Variants in GRM7 observed in about 807,000 individuals in gnomAD.
GRM7 encodes glutamate metabotropic receptor 7.
Under a neutral mutation model 84.5 loss-of-function variants are expected in GRM7, and 35 were observed. That is an observed-to-expected ratio of 0.41 (90% CI 0.32 to 0.55). The LOEUF (loss-of-function observed/expected upper bound fraction) is 0.55. GRM7 is among the 20% of genes least tolerant of loss of function. The probability of loss-of-function intolerance (pLI) is 0.19; values close to 1 mark genes in which losing one functional copy is unlikely to be tolerated. For synonymous variants in GRM7, 487 were observed against 455.1 expected, an observed-to-expected ratio of 1.07 and a Z score of -0.89; for missense variants, 1,003 against 1,194.6, an observed-to-expected ratio of 0.84 and a Z score of 2.36.
intron 7 of GRM7, among the ~76,000 whole-genome samples, chr3:7,485,627 C>G (rs917070705): frequency 3.3e-5 from 5 of 152,188 alleles, no homozygotes; most frequent in East Asian, 1.9e-4. Flanking sequence ...AACATCAAAT[C>G]CTCCCAAAAT....
chr3:6,913,795 T>C (rs1328371054), intron 1 of GRM7, among the ~76,000 whole-genome samples: 3 of 152,192 alleles, frequency 2.0e-5, no homozygotes, highest in African/African-American at 7.2e-5. Context: ...TCTGATCAGC[T>C]TGATGCAATA....
chr3:7,365,368 A>G (rs1693832435), intron 4 of GRM7, among the ~76,000 whole-genome samples: 1 of 151,622 alleles, frequency 6.6e-6, no homozygotes, highest in South Asian at 2.1e-4. Flanking sequence ...GGAAGTCCTC[A>G]CAGTCTCTCC....
At chr3:6,961,273 G>A (rs564867552) in intron 1 of GRM7, among the ~76,000 whole-genome samples, 8 of 152,238 alleles carry the variant, frequency 5.3e-5, no homozygotes, top group African/African-American at 1.9e-4. Flanking sequence ...CTGACAATTT[G>A]CAGGCCCCTT....
intron 9 of GRM7, among the ~76,000 whole-genome samples, chr3:7,721,884 A>G (rs1303822232): frequency 6.6e-6 from 1 of 152,246 alleles, no homozygotes; most frequent in Non-Finnish European, 1.5e-5. Flanking sequence ...CTTGAATCAT[A>G]CAACCTCTCA....
chr3:7,075,610 C>A (rs1698044215), intron 1 of GRM7, among the ~76,000 whole-genome samples: 2 of 151,650 alleles, frequency 1.3e-5, no homozygotes, highest in South Asian at 4.2e-4. Context: ...ACTGCAGCCT[C>A]CGGCTCCTGG....
intron 1 of GRM7, among the ~76,000 whole-genome samples, chr3:6,919,424 T>A (rs1280047226): frequency 1.3e-5 from 2 of 149,674 alleles, no homozygotes; most frequent in Non-Finnish European, 3.0e-5. Context: ...GCCAGGCTGG[T>A]CTCAAACTCC....
At chr3:7,574,060 T>C (rs1233356331) in intron 7 of GRM7, among the ~76,000 whole-genome samples, 1 of 152,170 alleles carries the variant, frequency 6.6e-6, no homozygotes, top group Non-Finnish European at 1.5e-5. Flanking sequence ...CCTTCAAAGA[T>C]GTAAATTCTT....
At chr3:7,153,583 T>A (rs997271739) in intron 2 of GRM7, among the ~76,000 whole-genome samples, 6 of 152,114 alleles carry the variant, frequency 3.9e-5, no homozygotes, top group Admixed American at 3.3e-4. Context: ...GAGGTTGTAG[T>A]GGGTACAGTA....
chr3:7,246,111 A>T (rs1433691581), intron 2 of GRM7, among the ~76,000 whole-genome samples: 1 of 152,104 alleles, frequency 6.6e-6, no homozygotes, highest in Non-Finnish European at 1.5e-5. Context: ...TTGACATGAG[A>T]AGCTGAACTT....
At chr3:7,684,083 CATGTATATAGG>C (rs1700484420) in intron 9 of GRM7, among the ~76,000 whole-genome samples, 1 of 152,072 alleles carries the variant, frequency 6.6e-6, no homozygotes, top group Non-Finnish European at 1.5e-5. Flanking sequence ...TGCAAAAATG[CATGTATATAGG>C]AAAAGAACGA....
chr3:7,257,581 G>A (rs888888391), intron 2 of GRM7, among the ~76,000 whole-genome samples: 3 of 152,100 alleles, frequency 2.0e-5, no homozygotes, highest in African/African-American at 7.2e-5. Context: ...TGAATACAAA[G>A]TCTTCAAATC....
At chr3:7,484,818 C>A (rs1398711638) in intron 7 of GRM7, among the ~76,000 whole-genome samples, 1 of 152,094 alleles carries the variant, frequency 6.6e-6, no homozygotes, top group African/African-American at 2.4e-5. Context: ...GTGTGTCTGC[C>A]AAAGCTAGTG....
At chr3:7,332,981 C>T (rs1559243333) in intron 4 of GRM7, among the ~76,000 whole-genome samples, 1 of 152,120 alleles carries the variant, frequency 6.6e-6, no homozygotes, top group Non-Finnish European at 1.5e-5. Flanking sequence ...GCAGGGCAAG[C>T]TTATATCCCC....
chr3:7,266,060 AC>A (rs892590919), intron 2 of GRM7, among the ~76,000 whole-genome samples: 4 of 152,140 alleles, frequency 2.6e-5, no homozygotes, highest in Admixed American at 2.0e-4. Context: ...CATCTCTACA[AC>A]AATGAAGTAG....
At chr3:7,272,186 A>G (rs913977345) in intron 2 of GRM7, among the ~76,000 whole-genome samples, 5 of 151,592 alleles carry the variant, frequency 3.3e-5, no homozygotes, top group African/African-American at 1.2e-4. Flanking sequence ...TCTTTATGTC[A>G]TGTTCTTTGA....
chr3:7,125,152 C>T lies in GRM7; in HGVS notation c.520-21300C>T, dbSNP rs1403928960. Among the ~76,000 whole-genome samples the T allele has an allele frequency of 3.3e-5, 5 of 152,126 alleles. No homozygotes were observed. The East Asian group carries it at 9.6e-4, about 29-fold the overall frequency. On this transcript the variant is annotated intron_variant, in intron 1 of 9. Coordinates refer to ENST00000357716, the MANE Select transcript of GRM7 (RefSeq NM_000844.4). ...ATGGGGTTTCGCCTTGTTGGCCAGG[C>T]TGGTCTCAAACTCCTGACCTCAAGT...
chr3:7,159,745 T>C (rs1574974022), intron 2 of GRM7, among the ~76,000 whole-genome samples: 2 of 152,304 alleles, frequency 1.3e-5, no homozygotes, highest in South Asian at 2.1e-4. Context: ...TCTGTCTGTG[T>C]CAGGACGTAG....
intron 1 of GRM7, among the ~76,000 whole-genome samples, chr3:7,108,301 T>C (rs1692724664): frequency 6.6e-6 from 1 of 152,064 alleles, no homozygotes; most frequent in Non-Finnish European, 1.5e-5. Context: ...TATGGTTGCG[T>C]GGCCTTAGGC....
At chr3:7,107,793 G>A (rs1692706295) in intron 1 of GRM7, among the ~76,000 whole-genome samples, 1 of 152,054 alleles carries the variant, frequency 6.6e-6, no homozygotes, top group Non-Finnish European at 1.5e-5. Flanking sequence ...TAAAGGTCAG[G>A]TAAGATGGAA....
Sources: allele counts gnomAD v4.1 joint callset (sites outside exome capture counted in the v4.1 genomes callset), GRCh38; gene constraint gnomAD v4.1.1; transcripts MANE v1.5; gene names NCBI Gene and HGNC (gene_info 2026-07-23, HGNC 2026-07-21).